Variants in C6orf132 observed in about 807,000 individuals in gnomAD.
The protein encoded by C6orf132 is uncharacterized protein C6orf132.
Under a neutral mutation model 65.3 loss-of-function variants are expected in C6orf132, and 43 were observed. The ratio of observed to expected loss-of-function variants is 0.66; its 90% confidence interval spans 0.52 to 0.85. C6orf132 has a LOEUF of 0.85. Ranked by LOEUF, C6orf132 falls within the 40% of genes least tolerant of loss-of-function variation. The pLI, the probability that C6orf132 is intolerant of heterozygous loss-of-function variation, is 0.00. For missense variants in C6orf132, 1,488 were observed against 1,548.8 expected (o/e 0.96, Z 0.66); for synonymous variants, 631 against 654.1 (o/e 0.96, Z 0.54).
rs1276822823 is a variant in C6orf132, at chr6:42,104,272, G to A, written c.3449+191C>T. The stretch of plus-strand genomic sequence containing the variant: ...GGAGCTGGTGGGGAAAGAGAAGGGA[G>A]GTCAGGAGGGAGGTCAGGAAGGCGC... On this transcript the variant is annotated intron_variant, in intron 4 of 4. Transcript: ENST00000341865. This position sits in a 1 kb window ranked among gnomAD's most constrained non-coding sequence, Gnocchi z 4.1. 6.9e-6 allele frequency among the ~76,000 whole-genome samples: 1 copy of A among 144,332 alleles called. No individual in the cohort carries two copies. Among genetic ancestry groups the A allele is most frequent in the Non-Finnish European group, 1.5e-5 (1 of 65,902 alleles). 94.7% of individuals were successfully genotyped at this position (144,332 alleles called of 152,430 possible). A position where few individuals can be genotyped will look rare whatever the true frequency, so the allele number is the denominator to read the frequency against.
intron 1 of C6orf132, among the ~76,000 whole-genome samples, chr6:42,137,574 C>T (rs1431431647): frequency 6.6e-6 from 1 of 152,044 alleles, no homozygotes; most frequent in Non-Finnish European, 1.5e-5. Flanking sequence ...GCACGAGGGT[C>T]CTCCTGATAA....
At chr6:42,116,875 T>C (rs920096282) in intron 2 of C6orf132, among the ~76,000 whole-genome samples, 1 of 152,108 alleles carries the variant, frequency 6.6e-6, no homozygotes, top group Non-Finnish European at 1.5e-5. Flanking sequence ...GTTGGAGGAA[T>C]TGTGCAGAGG....
intron 2 of C6orf132, among the ~76,000 whole-genome samples, chr6:42,121,406 G>T (rs779305522): frequency 6.6e-6 from 1 of 152,228 alleles, no homozygotes; most frequent in African/African-American, 2.4e-5. Flanking sequence ...GAAAACACTC[G>T]CTATTCAAGG....
chr6:42,122,737 T>C (rs1582278052), intron 2 of C6orf132, among the ~76,000 whole-genome samples: 1 of 151,206 alleles, frequency 6.6e-6, no homozygotes, highest in African/African-American at 2.4e-5. Flanking sequence ...AGCAGCGGGG[T>C]GGGTGGAAAG....
intron 2 of C6orf132, among the ~76,000 whole-genome samples, chr6:42,123,783 A>G (rs1484657010): frequency 6.6e-6 from 1 of 152,096 alleles, no homozygotes; most frequent in Non-Finnish European, 1.5e-5. Context: ...TGGCCTGGAC[A>G]GGGCCCTCCC....
intron 2 of C6orf132, among the ~76,000 whole-genome samples, chr6:42,111,369 C>G (rs1254377770): frequency 6.6e-6 from 1 of 150,808 alleles, no homozygotes; most frequent in Non-Finnish European, 1.5e-5. Flanking sequence ...CAACCTCTGC[C>G]TCCTGGGTTC....
Position 42,142,613 on chromosome 6 carries a change from C to T in C6orf132, c.-169G>A, listed in dbSNP as rs1377521544. On this transcript the variant is annotated 5_prime_UTR_variant, in exon 1 of 5. Coordinates refer to ENST00000341865, the MANE Select transcript of C6orf132 (RefSeq NM_001164446.3). ...AGGTGCTGCGGGCGCCGCCGCTTGC[C>T]GGGAAATGCGAGCTACCTGGCCAGG... 5.0e-6 allele frequency: 3 copies of T among 595,222 alleles called. No individual in the cohort carries two copies. Among genetic ancestry groups the T allele is most frequent in the South Asian group, 3.6e-5 (1 of 27,522 alleles). The allele number at this position is 595,222 out of a possible 1,614,324, so 36.9% of individuals were successfully genotyped here.
chr6:42,103,346 A>T lies in C6orf132; in HGVS notation c.*415T>A, dbSNP rs1303865084. 1 of 397,170 alleles carries T rather than the reference A, an allele frequency of 2.5e-6. No homozygotes were observed. The highest frequency in any genetic ancestry group is 4.4e-5 in the Admixed American group (1 of 22,694). 24.6% of individuals were successfully genotyped at this position (397,170 alleles called of 1,614,324 possible). ...CTTTGCAAGGGCCTGACAGGCAATCACAGCTATCTCGATGGGTTCCAGTTC... is the reference window on the plus strand; with the variant it reads ...CTTTGCAAGGGCCTGACAGGCAATCTCAGCTATCTCGATGGGTTCCAGTTC... On this transcript the variant is annotated 3_prime_UTR_variant, in exon 5 of 5. Transcript: ENST00000341865.
Position 42,106,079 on chromosome 6 carries a change from G to A in C6orf132, c.1833C>T (p.Ser611=), listed in dbSNP as rs1173851767. The A allele has an allele frequency of 2.0e-6, 3 of 1,537,104 alleles. No individual in the cohort carries two copies. The highest frequency in any genetic ancestry group is 2.4e-5 in the East Asian group (1 of 40,932). Residue 611 remains serine, a synonymous_variant, in exon 4 of 5, where the codon TCC becomes TCT. Transcript: ENST00000341865. ...CENGADDDKL[S]KPVAKNLPPQ... ...GTGGCAGATTCTTGGCCACAGGCTT[G>A]GAGAGTTTGTCATCATCAGCCCCGT...
intron 2 of C6orf132, among the ~76,000 whole-genome samples, chr6:42,120,820 A>G (rs1204174586): frequency 6.6e-6 from 1 of 151,728 alleles, no homozygotes; most frequent in Non-Finnish European, 1.5e-5. Flanking sequence ...ACGGGGTTTC[A>G]TCATATTGGC....
chr6:42,142,236 C>A, intron 1 of C6orf132, 64 bp downstream of exon 1: 1 of 1,510,176 alleles, frequency 6.6e-7, no homozygotes, highest in Non-Finnish European at 8.9e-7. Context: ...GGAGACAGCA[C>A]CGCCGGCCCT....
At chr6:42,119,085 GA>G (rs1300231395) in intron 2 of C6orf132, among the ~76,000 whole-genome samples, 51 of 119,356 alleles carry the variant, frequency 4.3e-4, no homozygotes, top group Middle Eastern at 4.4e-3. Context: ...AAAAAAAAAA[GA>G]AAAAAAAAAT....
chr6:42,137,630 G>A (rs1301831687), intron 1 of C6orf132, among the ~76,000 whole-genome samples: 1 of 152,110 alleles, frequency 6.6e-6, no homozygotes, highest in Admixed American at 6.5e-5. Flanking sequence ...CCTACCATGT[G>A]CCCTGCAGGG....
intron 1 of C6orf132, among the ~76,000 whole-genome samples, chr6:42,130,526 G>A (rs538946299): frequency 6.6e-6 from 1 of 152,258 alleles, no homozygotes; most frequent in South Asian, 2.1e-4. Context: ...CAGGACTGGG[G>A]TGGGGCGGGG....
intron 1 of C6orf132, among the ~76,000 whole-genome samples, chr6:42,134,689 G>T (rs1766910561): frequency 6.7e-6 from 1 of 149,452 alleles, no homozygotes; most frequent in Admixed American, 6.7e-5. Flanking sequence ...CAGGAGAATT[G>T]CTTGAACCGG....
At position 42,105,162 on chromosome 6, in the gene C6orf132, C is replaced by G; in HGVS notation, c.2750G>C (p.Gly917Ala). 9.8e-6 allele frequency: 15 copies of G among 1,537,104 alleles called. No homozygotes were observed. The highest frequency in any genetic ancestry group is 1.3e-5 in the Non-Finnish European group (15 of 1,146,834). The change falls in exon 4 of 5, where the codon GGG becomes GCG. Residue 917 changes from glycine (G) to alanine (A), a missense_variant. Gly to Ala is a moderately conservative substitution (Grantham distance 60). Transcript: ENST00000341865. Reference sequence around the variant, plus strand: ...CTCTGCGTCTCTTCCCAGCCGCGGCCCCCACTTATTGGGTATTTCGGTCGT... The same window carrying G: ...CTCTGCGTCTCTTCCCAGCCGCGGCGCCCACTTATTGGGTATTTCGGTCGT... ...PLTTEIPNKW[G>A]PRLGRDAEGT...
Position 42,104,435 on chromosome 6 carries a change from T to C in C6orf132, c.3449+28A>G, listed in dbSNP as rs1582266572. The C allele has an allele frequency of 1.6e-6, 2 of 1,230,012 alleles. No homozygotes were observed. The highest frequency in any genetic ancestry group is 2.0e-6 in the Non-Finnish European group (2 of 986,994). The allele number at this position is 1,230,012 out of a possible 1,614,324, so 76.2% of individuals were successfully genotyped here. On this transcript the variant is annotated intron_variant, in intron 4 of 4. Transcript: ENST00000341865. This position sits in a 1 kb window ranked among gnomAD's most constrained non-coding sequence, Gnocchi z 4.1. ...GCCTGGCTTTCCACCCCTCCTGGCT[T>C]CCCGCACCAGCCGGGCCCGCAGCTC...
intron 1 of C6orf132, among the ~76,000 whole-genome samples, chr6:42,140,556 T>C (rs1236299220): frequency 6.6e-6 from 1 of 152,196 alleles, no homozygotes; most frequent in Non-Finnish European, 1.5e-5. Flanking sequence ...ACAAGGGAGA[T>C]TTTGGAGGTC....
At chr6:42,134,011 A>C (rs6939993) in intron 1 of C6orf132, among the ~76,000 whole-genome samples, 38,530 of 151,960 alleles carry the variant, frequency 0.25, 5,450 homozygotes, top group African/African-American at 0.38. Flanking sequence ...CTTCTCCCTC[A>C]GGAGAACCTG....
Sources: allele counts gnomAD v4.1 joint callset (sites outside exome capture counted in the v4.1 genomes callset), GRCh38; gene constraint gnomAD v4.1.1; non-coding constraint Gnocchi (gnomAD v3.1); transcripts MANE v1.5; gene names NCBI Gene and HGNC (gene_info 2026-07-23, HGNC 2026-07-21).